ADCY5: variants seen among roughly 807,000 people sequenced by gnomAD.
ADCY5 encodes adenylate cyclase type 5.
In ADCY5, 30 loss-of-function variants were observed where a neutral mutation model predicts 119.7. That is an observed-to-expected ratio of 0.25 (90% confidence interval 0.19 to 0.34). ADCY5 has a LOEUF of 0.34. ADCY5 is among the 10% of genes least tolerant of loss of function. The pLI, the probability that ADCY5 is intolerant of heterozygous loss-of-function variation, is 1.00. For synonymous variants in ADCY5, 753 were observed against 762.2 expected, an observed-to-expected ratio of 0.99 and a Z score of 0.20; for missense variants, 1,324 against 1,775.2, an observed-to-expected ratio of 0.75 and a Z score of 4.57.
chr3:123,346,740 C>G (rs1385536870), intron 3 of ADCY5, among the ~76,000 whole-genome samples: 1 of 152,124 alleles, frequency 6.6e-6, no homozygotes. Flanking sequence ...AAAGAGTCCT[C>G]TTTACACCAA....
At chr3:123,290,324 G>A (rs541870897) in intron 18 of ADCY5, among the ~76,000 whole-genome samples, 1 of 152,292 alleles carries the variant, frequency 6.6e-6, no homozygotes, top group Non-Finnish European at 1.5e-5. Context: ...CCTACCCCCT[G>A]GCCCCGGCCC....
chr3:123,334,682 G>A (rs892270542), intron 3 of ADCY5, among the ~76,000 whole-genome samples: 1 of 152,170 alleles, frequency 6.6e-6, no homozygotes, highest in Non-Finnish European at 1.5e-5. Flanking sequence ...AGGTTGCAGT[G>A]AGCCGAGACA....
chr3:123,373,104 T>A (rs1443915658), intron 1 of ADCY5, among the ~76,000 whole-genome samples: 1 of 152,174 alleles, frequency 6.6e-6, no homozygotes, highest in Non-Finnish European at 1.5e-5. Flanking sequence ...TGGGGCCAAG[T>A]CTCATGGAGC....
chr3:123,391,707 G>T (rs919943013), intron 1 of ADCY5, among the ~76,000 whole-genome samples: 7 of 152,212 alleles, frequency 4.6e-5, no homozygotes, highest in African/African-American at 1.7e-4. Flanking sequence ...TGTTAGGTCA[G>T]AGTAGTAACA....
At chr3:123,291,004 TTA>T (rs1388054220) in intron 18 of ADCY5, 107 bp downstream of exon 18, 1 of 1,400,426 alleles carries the variant, frequency 7.1e-7, no homozygotes, top group Non-Finnish European at 9.5e-7. Context: ...TCATCACTGC[TTA>T]TGTCACGATG....
chr3:123,381,938 C>T (rs1354601083), intron 1 of ADCY5, among the ~76,000 whole-genome samples: 1 of 152,218 alleles, frequency 6.6e-6, no homozygotes, highest in East Asian at 1.9e-4. Context: ...GCTCCCTTCT[C>T]ACTCAAGGGA....
Position 123,447,764 on chromosome 3 carries a change from G to T in ADCY5, c.782C>A (p.Ala261Glu), listed in dbSNP as rs1315591064. 1.2e-6 allele frequency: 2 copies of T among 1,607,818 alleles called. No individual in the cohort carries two copies. Among genetic ancestry groups the T allele is most frequent in the Non-Finnish European group, 1.7e-6 (2 of 1,176,648 alleles). Residue 261 changes from alanine (A) to glutamate (E), a missense_variant, in exon 1 of 21, where the codon GCG becomes GAG. By Grantham distance (107) the Ala-to-Glu change is moderately radical. This residue lies in a region of ADCY5 where 585 missense variants were observed against 569.9 expected (regional missense o/e 1.03). Transcript: ENST00000462833. ...GGGCAGCTGGAGCGGGGGCCGCGCC[G>T]CGTGGAAGGCCAACATGACCAGGCA... ...LVCLVMLAFH[A>E]ARPPLQLPYL... is the part of the protein sequence containing the mutation.
chr3:123,289,157 T>C lies in ADCY5; in HGVS notation c.3532+593A>G, dbSNP rs551307778. On this transcript the variant is annotated intron_variant, in intron 19 of 20. Transcript: ENST00000462833. ...TAGTTTTTTAAACTATTTCACTTTG[T>C]TTTGCTAACGATTTTGCAGATTACA... 2.6e-5 allele frequency among the ~76,000 whole-genome samples: 4 copies of C among 152,394 alleles called. No individual in the cohort carries two copies. In the South Asian group the frequency reaches 8.3e-4, roughly 32 times the overall value.
intron 1 of ADCY5, among the ~76,000 whole-genome samples, chr3:123,411,699 C>T (rs1945052816): frequency 6.6e-6 from 1 of 152,202 alleles, no homozygotes; most frequent in Non-Finnish European, 1.5e-5. Context: ...CAGGGTGGGG[C>T]AACAGTTGCT....
intron 12 of ADCY5, among the ~76,000 whole-genome samples, chr3:123,310,103 T>TACAC (rs60966110): frequency 0.11 from 13,193 of 121,080 alleles, 935 homozygotes; most frequent in Middle Eastern, 0.15. Context: ...GAGAGAGATT[T>TACAC]ACACACACAC....
chr3:123,315,136 T>C (rs1210286872), intron 11 of ADCY5, among the ~76,000 whole-genome samples: 1 of 152,064 alleles, frequency 6.6e-6, no homozygotes, highest in Non-Finnish European at 1.5e-5. Context: ...TACCACCAGG[T>C]GGCCTTTCAA....
chr3:123,425,694 C>T (rs1035830065), intron 1 of ADCY5, among the ~76,000 whole-genome samples: 4 of 66,244 alleles, frequency 6.0e-5, no homozygotes, highest in African/African-American at 2.5e-4. Flanking sequence ...TTCAGGAGGA[C>T]CTGGCCCAGC....
intron 3 of ADCY5, among the ~76,000 whole-genome samples, chr3:123,338,359 C>T (rs1942120439): frequency 6.6e-6 from 1 of 152,230 alleles, no homozygotes; most frequent in Admixed American, 6.5e-5. Flanking sequence ...TCCCCCACCT[C>T]CTGTCAGAGA....
intron 17 of ADCY5, among the ~76,000 whole-genome samples, chr3:123,294,416 T>C (rs1280567775): frequency 6.6e-6 from 1 of 152,166 alleles, no homozygotes; most frequent in Non-Finnish European, 1.5e-5. Flanking sequence ...GACATGACAG[T>C]GGAGAAATCT....
intron 16 of ADCY5, 76 bp downstream of exon 16, chr3:123,297,277 C>A (rs528540175): frequency 7.0e-6 from 11 of 1,568,146 alleles, no homozygotes; most frequent in Non-Finnish European, 9.6e-6. Flanking sequence ...CCCCTCCCAC[C>A]TGGGCACCAG....
intron 12 of ADCY5, among the ~76,000 whole-genome samples, chr3:123,306,210 A>AT (rs1258814098): frequency 6.6e-6 from 1 of 152,258 alleles, no homozygotes; most frequent in East Asian, 1.9e-4. Context: ...AATCAAATAC[A>AT]TTGAGGGTCC....
At chr3:123,324,845 A>G (rs1016902492) in intron 8 of ADCY5, among the ~76,000 whole-genome samples, 1 of 152,208 alleles carries the variant, frequency 6.6e-6, no homozygotes, top group Non-Finnish European at 1.5e-5. Flanking sequence ...ACCACCTGGC[A>G]CTTCCCAGAA....
intron 1 of ADCY5, among the ~76,000 whole-genome samples, chr3:123,359,275 G>A (rs140602906): frequency 9.6e-4 from 138 of 143,998 alleles, no homozygotes; most frequent in African/African-American, 3.1e-3. Context: ...CAAACAACAC[G>A]TACATCTTTT....
intron 3 of ADCY5, among the ~76,000 whole-genome samples, chr3:123,338,760 C>T (rs1322377751): frequency 1.3e-5 from 2 of 152,206 alleles, no homozygotes; most frequent in East Asian, 1.9e-4. Flanking sequence ...CCACAACAGG[C>T]CCTTCAGCCC....
Sources: allele counts gnomAD v4.1 joint callset (sites outside exome capture counted in the v4.1 genomes callset), GRCh38; gene constraint gnomAD v4.1.1; regional missense constraint gnomAD v4.1.1; transcripts MANE v1.5; gene names NCBI Gene and HGNC (gene_info 2026-07-23, HGNC 2026-07-21).